The following EEA1 variants were observed in gnomAD, a reference collection of about 807,000 sequenced individuals.
EEA1 encodes the protein early endosome antigen 1, also known as early endosome antigen 1, 162kD.
A neutral mutation model predicts 209.2 loss-of-function variants in EEA1; 111 were observed. The observed-to-expected ratio is 0.53, with a 90% CI of 0.45 to 0.62. The LOEUF is 0.62. Ranked by LOEUF, EEA1 falls within the 20% of genes least tolerant of loss-of-function variation. The pLI, the probability that EEA1 is intolerant of heterozygous loss-of-function variation, is 0.00. For synonymous variants in EEA1, 536 were observed against 540.6 expected (o/e 0.99, Z 0.12); for missense variants, 1,343 against 1,530.8 (o/e 0.88, Z 2.05).
chr12:92,784,398 G>C (rs1391906711), intron 22 of EEA1, among the ~76,000 whole-genome samples: 1 of 152,134 alleles, frequency 6.6e-6, no homozygotes. Flanking sequence ...CATAAAAAAG[G>C]AGAAAAGTTG....
At chr12:92,884,660 G>A (rs182751399) in intron 2 of EEA1, 1 of 1,283,202 alleles carries the variant, frequency 7.8e-7, no homozygotes, top group South Asian at 1.2e-5. Context: ...TGGCTATGGT[G>A]GTTCCAGTAG....
intron 9 of EEA1, among the ~76,000 whole-genome samples, chr12:92,850,333 T>G (rs1253635835): frequency 1.3e-5 from 2 of 152,226 alleles, no homozygotes; most frequent in Non-Finnish European, 2.9e-5. Context: ...AGGGAAGTTC[T>G]GGACTGAATT....
chr12:92,843,249 C>T (rs1365555434), intron 9 of EEA1, among the ~76,000 whole-genome samples: 2 of 152,078 alleles, frequency 1.3e-5, no homozygotes, highest in Non-Finnish European at 2.9e-5. Context: ...CTCTGAGCCT[C>T]CCCGCTTCAA....
intron 3 of EEA1, among the ~76,000 whole-genome samples, chr12:92,857,821 A>G (rs1054214338): frequency 2.0e-5 from 3 of 152,366 alleles, no homozygotes; most frequent in African/African-American, 7.2e-5. Context: ...CATAAAATCT[A>G]AACTCATTAA....
intron 1 of EEA1, among the ~76,000 whole-genome samples, 171 bp downstream of exon 1, chr12:92,928,872 C>A (rs1322011404): frequency 1.3e-5 from 2 of 150,740 alleles, no homozygotes; most frequent in African/African-American, 4.9e-5. Context: ...GCCGCGCCGG[C>A]CCCACCCGCC....
At chr12:92,859,184 T>C in intron 3 of EEA1, 7 of 1,611,392 alleles carry the variant, frequency 4.3e-6, no homozygotes, top group Non-Finnish European at 5.9e-6. Flanking sequence ...GATCTGGATC[T>C]GAAGAAGCCA....
At chr12:92,806,942 A>ATTTTTT (rs34717047) in intron 18 of EEA1, among the ~76,000 whole-genome samples, 10 of 147,470 alleles carry the variant, frequency 6.8e-5, no homozygotes, top group African/African-American at 2.5e-4. Context: ...TTTTTTAATA[A>ATTTTTT]TTTTTTTTTT....
intron 9 of EEA1, among the ~76,000 whole-genome samples, chr12:92,847,644 A>G (rs1310806502): frequency 6.6e-6 from 1 of 152,230 alleles, no homozygotes; most frequent in African/African-American, 2.4e-5. Context: ...GATTAATAGC[A>G]CAAATTTACT....
intron 22 of EEA1, among the ~76,000 whole-genome samples, chr12:92,785,091 G>GAGAA (rs1874073070): frequency 6.7e-6 from 1 of 149,874 alleles, no homozygotes; most frequent in African/African-American, 2.5e-5. Context: ...AAATGATATA[G>GAGAA]AGTACTAGGC....
Position 92,851,154 on chromosome 12 carries a change from T to C in EEA1, c.755A>G (p.Lys252Arg), listed in dbSNP as rs1397231362. 2.5e-6 allele frequency: 4 copies of C among 1,613,930 alleles called. No individual in the cohort carries two copies. The South Asian group carries it at 4.4e-5, about 18-fold the overall frequency. Residue 252 changes from lysine to arginine, a missense_variant, in exon 9 of 29, where the codon AAA becomes AGA. Around this residue, in one of 3 missense-constraint regions of EEA1, gnomAD observed 1,307 missense variants for 1,465.5 expected, o/e 0.89. Transcript: ENST00000322349. ...TGACTGCAATTTTTTGCATTCATCT[T>C]TGAGTTTTTCAGATTCTCGCTCACG... The part of the protein sequence containing the change: ...LERERESEKL[K>R]DECKKLQSQY...
chr12:92,870,210 ATGT>A (rs560012696), intron 2 of EEA1, among the ~76,000 whole-genome samples: 204 of 152,274 alleles, frequency 1.3e-3, no homozygotes, highest in African/African-American at 4.8e-3. Flanking sequence ...AAATAACTAA[ATGT>A]TGTTAAGAAT....
chr12:92,890,228 G>T (rs984616399), intron 2 of EEA1, among the ~76,000 whole-genome samples: 2 of 151,972 alleles, frequency 1.3e-5, no homozygotes, highest in African/African-American at 4.8e-5. Context: ...GTATGTTATT[G>T]GGAATTATAT....
chr12:92,858,893 G>T lies in EEA1; in HGVS notation c.246-1408C>A, dbSNP rs116798052. ...TATGACTGGACAGAAAACCATTATG[G>T]ACACTTACAGAGGTTGGGGTGTTCA... On this transcript the variant is annotated intron_variant, in intron 3 of 28. Coordinates refer to ENST00000322349, the MANE Select transcript of EEA1 (RefSeq NM_003566.4). 795 of 713,384 alleles carry T rather than the reference G, an allele frequency of 1.1e-3. 3 individuals carry two copies. In the African/African-American group the frequency reaches 0.013, roughly 11 times the overall value. 44.2% of individuals were successfully genotyped at this position (713,384 alleles called of 1,614,324 possible).
intron 1 of EEA1, among the ~76,000 whole-genome samples, chr12:92,924,757 T>G (rs375291070): frequency 1.3e-5 from 2 of 151,530 alleles, no homozygotes; most frequent in Non-Finnish European, 2.9e-5. Context: ...GCCCTGGTTC[T>G]TTTCATTTCT....
Position 92,884,583 on chromosome 12 carries a change from T to C in EEA1, c.117+7046A>G, listed in dbSNP as rs1292209288. 6.8e-6 allele frequency: 10 copies of C among 1,473,502 alleles called. No homozygotes were observed. In the East Asian group the frequency reaches 2.0e-4, roughly 30 times the overall value. 91.3% of individuals were successfully genotyped at this position (1,473,502 alleles called of 1,614,324 possible). On this transcript the variant is annotated intron_variant, in intron 2 of 28. Coordinates refer to ENST00000322349, the MANE Select transcript of EEA1 (RefSeq NM_003566.4). ...TTTGGACCCATGAAGGGAGGAAACTTTGGAGGCAGAAGCCCTGGCCCCTAT... is the reference window on the plus strand; with the variant it reads ...TTTGGACCCATGAAGGGAGGAAACTCTGGAGGCAGAAGCCCTGGCCCCTAT...
chr12:92,891,540 T>C (rs1242289008), intron 2 of EEA1, 89 bp downstream of exon 2: 3 of 1,021,812 alleles, frequency 2.9e-6, no homozygotes, highest in Non-Finnish European at 4.3e-6. Context: ...TGTGAGAACT[T>C]TTCCTATACA....
At chr12:92,927,148 G>T (rs1310027007) in intron 1 of EEA1, among the ~76,000 whole-genome samples, 2 of 152,136 alleles carry the variant, frequency 1.3e-5, no homozygotes, top group Non-Finnish European at 2.9e-5. Context: ...TGCCCCTAGG[G>T]GACATTTGGT....
chr12:92,811,258 T>C (rs1875483123), intron 17 of EEA1, 21 bp downstream of exon 17: 1 of 1,441,516 alleles, frequency 6.9e-7, no homozygotes, highest in Non-Finnish European at 9.2e-7. Context: ...TATGACTAAA[T>C]TCAACTTCTT....
chr12:92,826,075 T>G, intron 13 of EEA1, 91 bp downstream of exon 13: 11 of 1,328,054 alleles, frequency 8.3e-6, no homozygotes, highest in Non-Finnish European at 1.1e-5. Flanking sequence ...AGGATAATGA[T>G]TTGGATTAAT....
Sources: gnomAD v4.1 joint callset for allele counts (sites outside exome capture counted in the v4.1 genomes callset) on GRCh38, gnomAD v4.1.1 for gene constraint, gnomAD v4.1.1 regional missense constraint, MANE v1.5 for transcripts, NCBI Gene and HGNC (gene_info 2026-07-23, HGNC 2026-07-21) for gene names.